The following MRPS22 variants were observed in gnomAD, a reference collection of about 807,000 sequenced individuals.
MRPS22 encodes the protein small ribosomal subunit protein mS22.
Under a neutral mutation model 44.0 loss-of-function variants are expected in MRPS22, and 30 were observed. The observed-to-expected ratio is 0.68, with a 90% CI of 0.51 to 0.93. The LOEUF (loss-of-function observed/expected upper bound fraction) is 0.93, where lower values mean the gene tolerates loss of function less well. MRPS22 is among the 40% of genes least tolerant of loss of function. The pLI is 0.00. For synonymous variants in MRPS22, 165 were observed against 154.4 expected (o/e 1.07, Z -0.51); for missense variants, 447 against 447.8 (o/e 1.00, Z 0.02).
In MRPS22 at chr3:139,350,149, C is replaced by T. The variant is rs375087320; in HGVS notation, c.505-30C>T. On this transcript the variant is annotated intron_variant, in intron 3 of 7. Coordinates refer to ENST00000680020, the MANE Select transcript of MRPS22 (RefSeq NM_020191.4). ...GGAACTAAAAATACGTCCTCACAAA[C>T]GCATCCTTGATTATGTTTTTCTATT... 126 of 1,613,724 alleles carry T rather than the reference C, an allele frequency of 7.8e-5. No individual in the cohort carries two copies. In the African/African-American group the frequency reaches 1.2e-3, roughly 15 times the overall value.
At chr3:139,353,420 A>G (rs902932262) in intron 6 of MRPS22, among the ~76,000 whole-genome samples, 11 of 152,240 alleles carry the variant, frequency 7.2e-5, no homozygotes, top group African/African-American at 2.4e-4. Flanking sequence ...AGGAAGGCCA[A>G]AATGACAAGG....
At chr3:139,351,329 GA>G in intron 5 of MRPS22, 3 of 445,498 alleles carry the variant, frequency 6.7e-6, no homozygotes, top group South Asian at 6.3e-5. Flanking sequence ...ACCCAAGTTT[GA>G]TGACAAAGCC....
intron 5 of MRPS22, chr3:139,351,298 C>T: frequency 2.0e-6 from 1 of 500,808 alleles, no homozygotes. Flanking sequence ...AGTTGCATAG[C>T]TACTAAGTGG....
At chr3:139,356,344 C>T (rs1432331705) in intron 7 of MRPS22, among the ~76,000 whole-genome samples, 2 of 152,144 alleles carry the variant, frequency 1.3e-5, no homozygotes, top group Non-Finnish European at 2.9e-5. Flanking sequence ...ATGATATTTT[C>T]AGGAAGGGAA....
chr3:139,344,806 AG>A, intron 1 of MRPS22: 1 of 593,546 alleles, frequency 1.7e-6, no homozygotes, highest in Non-Finnish European at 3.0e-6. Flanking sequence ...ATTGGAATAG[AG>A]GGTTGTCCCA....
intron 6 of MRPS22, among the ~76,000 whole-genome samples, chr3:139,354,169 CCTCA>C (rs1941202604): frequency 1.3e-5 from 2 of 152,156 alleles, no homozygotes; most frequent in South Asian, 4.1e-4. Context: ...GGGTGCATAT[CCTCA>C]CTGAGTGGAG....
intron 7 of MRPS22, among the ~76,000 whole-genome samples, chr3:139,356,621 C>T (rs947663394): frequency 2.0e-5 from 3 of 152,090 alleles, no homozygotes; most frequent in Non-Finnish European, 2.9e-5. Flanking sequence ...TTCTCTCTAA[C>T]CTAATGGTTT....
At chr3:139,344,305 C>T in intron 1 of MRPS22, 107 bp downstream of exon 1, 3 of 1,231,778 alleles carry the variant, frequency 2.4e-6, no homozygotes, top group Non-Finnish European at 3.4e-6. Flanking sequence ...TATCCTAGCG[C>T]TTCCTCAGAT....
rs1560004003 is a variant in MRPS22 at position 139,344,046 on chromosome 3, CTG to C, written c.22_23del (p.Val8IlefsTer54). On this transcript the variant is annotated frameshift_variant, in exon 1 of 8. Coordinates refer to ENST00000680020, the MANE Select transcript of MRPS22 (RefSeq NM_020191.4). LOFTEE classifies it high-confidence loss of function. Reference sequence around the variant, plus strand: ...ATAATCATGGCGCCCCTCGGAACAACTGTATTGCTGTGGAGCCTCTTGAGGAG... The same window carrying C: ...ATAATCATGGCGCCCCTCGGAACAACTATTGCTGTGGAGCCTCTTGAGGAG... 1 of 1,614,196 alleles carries C rather than the reference CTG, an allele frequency of 6.2e-7. No individual in the cohort carries two copies. The highest frequency in any genetic ancestry group is 2.2e-5 in the East Asian group (1 of 44,856).
At chr3:139,354,301 A>G (rs1941205207) in intron 6 of MRPS22, among the ~76,000 whole-genome samples, 1 of 152,174 alleles carries the variant, frequency 6.6e-6, no homozygotes, top group South Asian at 2.1e-4. Context: ...CTCTTTAAGT[A>G]TGGGTGGGGT....
intron 6 of MRPS22, among the ~76,000 whole-genome samples, chr3:139,353,599 T>G (rs556492349): frequency 6.6e-6 from 1 of 152,298 alleles, no homozygotes; most frequent in East Asian, 1.9e-4. Context: ...AGGTAAGGCA[T>G]GTGGAACTGA....
chr3:139,345,676 G>A (rs1259750908), intron 1 of MRPS22, among the ~76,000 whole-genome samples: 1 of 152,132 alleles, frequency 6.6e-6, no homozygotes, highest in Admixed American at 6.5e-5. Flanking sequence ...GAGGATCAGG[G>A]AGAATTTAGG....
At chr3:139,352,515 T>G in intron 5 of MRPS22, 132 bp from the exon 6 acceptor site, 1 of 740,660 alleles carries the variant, frequency 1.4e-6, no homozygotes, top group Non-Finnish European at 2.4e-6. Flanking sequence ...AATTGGTTAA[T>G]GATATGGAGG....
chr3:139,352,941 A>C, intron 6 of MRPS22, 149 bp downstream of exon 6: 2 of 852,906 alleles, frequency 2.3e-6, no homozygotes, highest in South Asian at 3.2e-5. Flanking sequence ...AGTATAACCT[A>C]GCTCTCCTAG....
Position 139,350,277 on chromosome 3 carries a change from T to G in MRPS22, c.603T>G (p.Gly201=), listed in dbSNP as rs763603022. 1.2e-6 allele frequency: 2 copies of G among 1,614,112 alleles called. No individual in the cohort carries two copies. The highest frequency in any genetic ancestry group is 1.7e-6 in the Non-Finnish European group (2 of 1,180,002). ...TACAAGTTTATTTCCCAAAAGAAGGTCGTAAAATTTTGACACCAATAATTT... is the reference window on the plus strand; with the variant it reads ...TACAAGTTTATTTCCCAAAAGAAGGGCGTAAAATTTTGACACCAATAATTT... ...RMIQVYFPKE[G]RKILTPIIFK... is the part of the protein sequence containing the mutation. The change falls in exon 4 of 8, where the codon GGT becomes GGG. Residue 201 remains glycine (G), a synonymous_variant. Coordinates refer to ENST00000680020, the MANE Select transcript of MRPS22 (RefSeq NM_020191.4).
intron 4 of MRPS22, 99 bp from the exon 5 acceptor site, chr3:139,350,878 G>C (rs1941137868): frequency 2.3e-6 from 2 of 861,182 alleles, no homozygotes; most frequent in African/African-American, 3.3e-5. Flanking sequence ...GAGGAGCACA[G>C]AGTGGCCAGT....
At chr3:139,352,560 C>T (rs1382051089) in intron 5 of MRPS22, 87 bp from the exon 6 acceptor site, 3 of 1,211,538 alleles carry the variant, frequency 2.5e-6, no homozygotes, top group South Asian at 1.2e-5. Flanking sequence ...CTTGCTTGGG[C>T]AGCACTCATG....
chr3:139,347,320 G>T (rs1286034007), intron 2 of MRPS22, among the ~76,000 whole-genome samples: 1 of 151,994 alleles, frequency 6.6e-6, no homozygotes, highest in African/African-American at 2.4e-5. Flanking sequence ...CCTTTTTTCT[G>T]CCTGCTCCAG....
rs114012181 is a variant in MRPS22 at position 139,344,857 on chromosome 3, C to T, written c.172+659C>T. 220 of 546,986 alleles carry T rather than the reference C, an allele frequency of 4.0e-4. 2 individuals are homozygous for T. The highest frequency in any genetic ancestry group is 3.6e-3 in the African/African-American group (186 of 51,526). 33.9% of individuals were successfully genotyped at this position (546,986 alleles called of 1,614,324 possible). On this transcript the variant is annotated intron_variant, in intron 1 of 7. Coordinates refer to ENST00000680020, the MANE Select transcript of MRPS22 (RefSeq NM_020191.4). Reference sequence around the variant, plus strand: ...AAGAAGATTAATTAATTGTTGGAACCGTTATTTTGGGGGCGGGGGTAGTGC... The same window carrying T: ...AAGAAGATTAATTAATTGTTGGAACTGTTATTTTGGGGGCGGGGGTAGTGC...
Sources: gnomAD v4.1 joint callset for allele counts (sites outside exome capture counted in the v4.1 genomes callset) on GRCh38, gnomAD v4.1.1 for gene constraint, MANE v1.5 for transcripts, NCBI Gene and HGNC (gene_info 2026-07-23, HGNC 2026-07-21) for gene names.